Variants in SPAG6 observed in about 807,000 individuals in gnomAD.
The protein encoded by SPAG6 is sperm-associated antigen 6.
A neutral mutation model predicts 58.5 loss-of-function variants in SPAG6; 49 were observed. The observed-to-expected ratio is 0.84, with a 90% CI of 0.67 to 1.06. The LOEUF (loss-of-function observed/expected upper bound fraction) is 1.06, where lower values mean the gene tolerates loss of function less well. Among genes scored for constraint, SPAG6 ranks in the 50% least tolerant of loss-of-function variants. SPAG6 has a pLI of 0.00. For synonymous variants in SPAG6, 233 were observed against 225.6 expected (o/e 1.03, Z -0.29); for missense variants, 560 against 611.3 (o/e 0.92, Z 0.89).
intron 9 of SPAG6, among the ~76,000 whole-genome samples, chr10:22,407,118 A>C (rs11498378): frequency 2.0e-5 from 3 of 150,352 alleles, no homozygotes; most frequent in African/African-American, 7.5e-5. Flanking sequence ...CTTTTAATTG[A>C]AGAATTTAGT....
At chr10:22,350,156 G>A (rs1054604422) in intron 2 of SPAG6, among the ~76,000 whole-genome samples, 2 of 151,470 alleles carry the variant, frequency 1.3e-5, no homozygotes, top group African/African-American at 4.8e-5. Context: ...GAATATGAAC[G>A]ATAATGAACT....
At chr10:22,351,643 AC>A (rs1836729005) in intron 2 of SPAG6, among the ~76,000 whole-genome samples, 1 of 152,048 alleles carries the variant, frequency 6.6e-6, no homozygotes, top group East Asian at 1.9e-4. Context: ...CTTTTTGTTC[AC>A]GGGGGCAGAA....
rs779276873 is a variant in SPAG6, at chr10:22,364,929, G to A, written c.198G>A (p.Gly66=). 1 of 1,613,350 alleles carries A rather than the reference G, an allele frequency of 6.2e-7. No individual in the cohort carries two copies. Among genetic ancestry groups the A allele is most frequent in the African/African-American group, 1.3e-5 (1 of 74,878 alleles). The change falls in exon 3 of 11, where the codon GGG becomes GGA. Residue 66 remains glycine (G), a synonymous_variant. Coordinates refer to ENST00000376624, the MANE Select transcript of SPAG6 (RefSeq NM_012443.4). ...TIQQTAALAL[G]RLANYNDDLA... ...AACAGACTGCTGCTTTGGCTCTTGG[G>A]AGACTGGCCAATTATAATGATGACC...
intron 2 of SPAG6, among the ~76,000 whole-genome samples, chr10:22,352,540 G>A (rs571282645): frequency 1.2e-3 from 176 of 152,204 alleles, no homozygotes; most frequent in Non-Finnish European, 2.1e-3. Context: ...TATTTGAGAC[G>A]GAGTTTCACT....
chr10:22,416,180 G>A (rs575844543), intron 10 of SPAG6, among the ~76,000 whole-genome samples: 7 of 152,044 alleles, frequency 4.6e-5, no homozygotes, highest in Admixed American at 2.0e-4. Flanking sequence ...TAAAACCCAT[G>A]CTGAGAATGA....
chr10:22,412,560 A>T, intron 10 of SPAG6: 9 of 1,039,422 alleles, frequency 8.7e-6, no homozygotes, highest in African/African-American at 1.6e-5. Context: ...GATACATCAA[A>T]GCAGTGATAT....
intron 9 of SPAG6, among the ~76,000 whole-genome samples, chr10:22,405,648 T>C (rs1187775599): frequency 2.0e-5 from 3 of 151,684 alleles, no homozygotes; most frequent in African/African-American, 7.3e-5. Flanking sequence ...GATGCTGGCC[T>C]CATAAAATGA....
intron 8 of SPAG6, among the ~76,000 whole-genome samples, chr10:22,396,390 A>C (rs1201161210): frequency 6.6e-6 from 1 of 152,098 alleles, no homozygotes; most frequent in Admixed American, 6.5e-5. Context: ...GCCATGTAAG[A>C]GTGCCTTTTG....
chr10:22,376,047 A>G (rs1283856431), intron 4 of SPAG6, among the ~76,000 whole-genome samples: 1 of 152,202 alleles, frequency 6.6e-6, no homozygotes, highest in Non-Finnish European at 1.5e-5. Context: ...GCTAGTGCAC[A>G]TTGAGGAGCT....
chr10:22,397,020 T>C (rs1278616696), intron 8 of SPAG6, among the ~76,000 whole-genome samples: 1 of 152,182 alleles, frequency 6.6e-6, no homozygotes, highest in African/African-American at 2.4e-5. Context: ...ACTAGGTAAA[T>C]AGGAGAGTTT....
chr10:22,395,418 A>G (rs1289041703), intron 8 of SPAG6, among the ~76,000 whole-genome samples: 1 of 152,152 alleles, frequency 6.6e-6, no homozygotes, highest in African/African-American at 2.4e-5. Flanking sequence ...GATTGTAGTC[A>G]TCCTAGTGGG....
At chr10:22,365,869 C>A (rs1837184249) in intron 3 of SPAG6, among the ~76,000 whole-genome samples, 1 of 152,080 alleles carries the variant, frequency 6.6e-6, no homozygotes, top group African/African-American at 2.4e-5. Flanking sequence ...TGAGGTATCA[C>A]TTCATACCTT....
intron 2 of SPAG6, among the ~76,000 whole-genome samples, chr10:22,358,323 C>T (rs1233504696): frequency 6.6e-6 from 1 of 151,792 alleles, no homozygotes; most frequent in Non-Finnish European, 1.5e-5. Flanking sequence ...ATTTGCATTT[C>T]TCTGATGGCC....
At chr10:22,365,056 T>G in intron 3 of SPAG6, 37 bp downstream of exon 3, 1 of 1,468,126 alleles carries the variant, frequency 6.8e-7, no homozygotes, top group Non-Finnish European at 9.2e-7. Context: ...TGTTTTTTTG[T>G]TTTAGATTTT....
At position 22,364,839 on chromosome 10, in the gene SPAG6, A is replaced by G. The variant is rs1299780490; in HGVS notation, c.122-14A>G. On this transcript the variant is annotated splice_polypyrimidine_tract_variant and intron_variant, in intron 2 of 10. Coordinates refer to ENST00000376624, the MANE Select transcript of SPAG6 (RefSeq NM_012443.4). ...AAATTTTCCTGATTTCTGTTCTTTC[A>G]TAATTTAACTCAGGTGTAATGTCTT... 6.3e-7 allele frequency: 1 copy of G among 1,584,980 alleles called. No individual in the cohort carries two copies. Among genetic ancestry groups the G allele is most frequent in the Non-Finnish European group, 8.6e-7 (1 of 1,165,260 alleles).
At chr10:22,349,320 C>T (rs1836654227) in intron 2 of SPAG6, among the ~76,000 whole-genome samples, 1 of 151,866 alleles carries the variant, frequency 6.6e-6, no homozygotes, top group African/African-American at 2.4e-5. Context: ...TTTATGTACT[C>T]TCAAATTCTA....
At chr10:22,401,683 GAGAT>G (rs1236826124) in intron 9 of SPAG6, among the ~76,000 whole-genome samples, 27 of 152,168 alleles carry the variant, frequency 1.8e-4, no homozygotes, top group Non-Finnish European at 3.2e-4. Flanking sequence ...TACTTTACTG[GAGAT>G]GTTCTCAGAC....
At chr10:22,362,235 AT>A (rs1406584423) in intron 2 of SPAG6, among the ~76,000 whole-genome samples, 1 of 148,130 alleles carries the variant, frequency 6.8e-6, no homozygotes, top group African/African-American at 2.5e-5. Context: ...ATATCTATAT[AT>A]TTCCCCCCCA....
chr10:22,384,711 C>A (rs797013810), intron 4 of SPAG6, among the ~76,000 whole-genome samples: 11 of 152,212 alleles, frequency 7.2e-5, no homozygotes, highest in African/African-American at 2.6e-4. Flanking sequence ...TTTTCCACTG[C>A]CATCCCCGGC....
Sources: allele counts gnomAD v4.1 joint callset (sites outside exome capture counted in the v4.1 genomes callset), GRCh38; gene constraint gnomAD v4.1.1; transcripts MANE v1.5; gene names NCBI Gene and HGNC (gene_info 2026-07-23, HGNC 2026-07-21).